CDC25A: variants seen among roughly 807,000 people sequenced by gnomAD.
CDC25A encodes M-phase inducer phosphatase 1.
A neutral mutation model predicts 64.6 loss-of-function variants in CDC25A; 17 were observed. The ratio of observed to expected loss-of-function variants is 0.26; its 90% CI spans 0.18 to 0.39. CDC25A has a LOEUF of 0.39. Ranked by LOEUF, CDC25A falls within the 10% of genes least tolerant of loss-of-function variation. CDC25A has a pLI of 1.00. For missense variants in CDC25A, 473 were observed against 654.8 expected (o/e 0.72, Z 3.03); for synonymous variants, 229 against 238.6 (o/e 0.96, Z 0.37).
At chr3:48,169,617 T>C (rs1303352297) in intron 9 of CDC25A, among the ~76,000 whole-genome samples, 2 of 152,234 alleles carry the variant, frequency 1.3e-5, no homozygotes, top group East Asian at 1.9e-4. Flanking sequence ...GTATAGACTT[T>C]ATTTGGATCC....
rs777997635 is a variant in CDC25A at position 48,174,293 on chromosome 3, C to T, written c.921G>A (p.Lys307=). The change falls in exon 9 of 15, where the codon AAG becomes AAA. Residue 307 remains lysine (K), a synonymous_variant. Transcript: ENST00000302506. ...AACCTAGGAAACTAACCTCATGGGCCTTCTCTGGATTAGTTGACTCTTTGG... is the reference window on the plus strand; with the variant it reads ...AACCTAGGAAACTAACCTCATGGGCTTTCTCTGGATTAGTTGACTCTTTGG... ...ASPKESTNPE[K]AHETLHQSLS... 2 of 1,611,734 alleles carry T rather than the reference C, an allele frequency of 1.2e-6. No individual in the cohort carries two copies. The highest frequency in any genetic ancestry group is 2.2e-5 in the South Asian group (2 of 90,596).
Position 48,180,865 on chromosome 3 carries a change from A to G in CDC25A, c.430-25T>C, listed in dbSNP as rs377100437. The G allele has an allele frequency of 3.8e-5, 61 of 1,612,722 alleles. No homozygotes were observed. The African/African-American group carries it at 7.3e-4, about 19-fold the overall frequency. ...CCTGCAAGACATAGTTGAGACATCT[A>G]CTGTCCATGAAAACCAACTCAGGCC... is the stretch of plus-strand genomic sequence containing the variant. On this transcript the variant is annotated intron_variant, in intron 5 of 14. Transcript: ENST00000302506.
chr3:48,171,467 AT>A (rs1355004950), intron 9 of CDC25A, among the ~76,000 whole-genome samples: 1 of 143,336 alleles, frequency 7.0e-6, no homozygotes, highest in African/African-American at 2.6e-5. Context: ...TGCAACCTCC[AT>A]TTCCCGGGTT....
chr3:48,180,535 TA>T, intron 6 of CDC25A, 185 bp downstream of exon 6: 1 of 546,250 alleles, frequency 1.8e-6, no homozygotes, highest in South Asian at 3.0e-5. Flanking sequence ...CTCCCACTCT[TA>T]CTACCGCCTG....
intron 2 of CDC25A, among the ~76,000 whole-genome samples, chr3:48,186,005 C>T (rs114315432): frequency 6.2e-4 from 94 of 152,308 alleles, no homozygotes; most frequent in African/African-American, 2.2e-3. Context: ...TACAGATAAA[C>T]TCTGCAGTAA....
chr3:48,159,717 C>T (rs1406361187), intron 13 of CDC25A, among the ~76,000 whole-genome samples: 1 of 152,190 alleles, frequency 6.6e-6, no homozygotes. Flanking sequence ...AGCACCTTCA[C>T]CACCACAGTT....
chr3:48,180,623 A>T, intron 6 of CDC25A, 98 bp downstream of exon 6: 2 of 1,254,654 alleles, frequency 1.6e-6, no homozygotes, highest in Non-Finnish European at 2.2e-6. Context: ...AGGTAAAAAC[A>T]GCTAGTGCTA....
At chr3:48,164,573 G>A in intron 12 of CDC25A, 136 bp from the exon 13 acceptor site, 1 of 746,576 alleles carries the variant, frequency 1.3e-6, no homozygotes, top group Non-Finnish European at 2.0e-6. Context: ...TCTTCTAGCT[G>A]AATAGCCCAG....
At position 48,187,799 on chromosome 3, in the gene CDC25A, T is replaced by C; in HGVS notation, c.149A>G (p.Asp50Gly). 1 of 1,548,118 alleles carries C rather than the reference T, an allele frequency of 6.5e-7. No homozygotes were observed. The highest frequency in any genetic ancestry group is 8.7e-7 in the Non-Finnish European group (1 of 1,145,356). ...TTACCTGCCCAGACCCTGCAGCTGGTCCATAGTGACGGTCAGGTTGGTGAC... is the reference window on the plus strand; with the variant it reads ...TTACCTGCCCAGACCCTGCAGCTGGCCCATAGTGACGGTCAGGTTGGTGAC... ...SPVTNLTVTM[D>G]QLQGLGSDYE... Residue 50 changes from aspartate (D) to glycine (G), a missense_variant, in exon 1 of 15, where the codon GAC (aspartate) becomes GGC (glycine). Coordinates refer to ENST00000302506, the MANE Select transcript of CDC25A (RefSeq NM_001789.3).
intron 8 of CDC25A, 128 bp downstream of exon 8, chr3:48,177,243 T>C (rs768329500): frequency 1.8e-4 from 128 of 695,350 alleles, no homozygotes; most frequent in Non-Finnish European, 2.9e-4. Flanking sequence ...GTAGCCAAAG[T>C]GAGGCCTAAA....
intron 14 of CDC25A, 108 bp downstream of exon 14, chr3:48,159,236 C>G: frequency 8.0e-7 from 1 of 1,256,438 alleles, no homozygotes; most frequent in Non-Finnish European, 1.1e-6. Flanking sequence ...AGCAGATACC[C>G]ACCTTGTCCC....
chr3:48,165,987 A>G (rs1347315746), intron 10 of CDC25A, 94 bp from the exon 11 acceptor site: 22 of 891,460 alleles, frequency 2.5e-5, no homozygotes, highest in Non-Finnish European at 3.8e-5. Context: ...GCATCTTTTA[A>G]AAAACAAACA....
chr3:48,170,619 A>G (rs1261204338), intron 9 of CDC25A, among the ~76,000 whole-genome samples: 1 of 152,174 alleles, frequency 6.6e-6, no homozygotes, highest in African/African-American at 2.4e-5. Context: ...GGGAGGCTTC[A>G]TTACATAGAA....
intron 12 of CDC25A, among the ~76,000 whole-genome samples, chr3:48,165,432 T>TA (rs3731546): frequency 0.98 from 149,304 of 152,306 alleles, 73,257 homozygotes; most frequent in East Asian, 1. Context: ...AGAATAACTG[T>TA]GCACAAGGTG....
rs58104019 is a variant in CDC25A at position 48,168,360 on chromosome 3, C to CCACACACACACACACACACACA, written c.931-438_931-417dup. Among the ~76,000 whole-genome samples the CCACACACACACACACACACACA allele has an allele frequency of 2.4e-4, 26 of 106,604 alleles. 3 individuals carry two copies. Among genetic ancestry groups the CCACACACACACACACACACACA allele is most frequent in the East Asian group, 9.4e-4 (3 of 3,182 alleles). 69.9% of individuals were successfully genotyped at this position (106,604 alleles called of 152,430 possible). ...ACCAGATCAAAGAGCAAGACCCTGT[C>CCACACACACACACACACACACA]CACACACACACACACACACACACAC... On this transcript the variant is annotated intron_variant, in intron 9 of 14. Coordinates refer to ENST00000302506, the MANE Select transcript of CDC25A (RefSeq NM_001789.3).
intron 9 of CDC25A, among the ~76,000 whole-genome samples, chr3:48,170,016 A>AC (rs1199722284): frequency 3.3e-5 from 5 of 151,932 alleles, no homozygotes; most frequent in African/African-American, 1.2e-4. Flanking sequence ...CTCAAAAAAA[A>AC]AAACAAACAA....
At chr3:48,180,658 A>C (rs2032631194) in intron 6 of CDC25A, 63 bp downstream of exon 6, 1 of 1,575,730 alleles carries the variant, frequency 6.3e-7, no homozygotes, top group Non-Finnish European at 8.7e-7. Context: ...ATTCTGGATG[A>C]AAGAAGGTGT....
At position 48,177,997 on chromosome 3, in the gene CDC25A, C is replaced by G; in HGVS notation, c.550-9G>C. On this transcript the variant is annotated splice_polypyrimidine_tract_variant and intron_variant, in intron 6 of 14. Coordinates refer to ENST00000302506, the MANE Select transcript of CDC25A (RefSeq NM_001789.3). ...CTTTCATTTGAGGAAAGCTGTAAGA[C>G]AAAATTCATGGATTAATAATGAGAG... The G allele has an allele frequency of 6.2e-7, 1 of 1,602,444 alleles. No individual in the cohort carries two copies. Among genetic ancestry groups the G allele is most frequent in the South Asian group, 1.1e-5 (1 of 89,742 alleles).
intron 4 of CDC25A, 25 bp downstream of exon 4, chr3:48,183,775 C>T (rs757575567): frequency 1.3e-6 from 2 of 1,506,064 alleles, no homozygotes; most frequent in South Asian, 2.3e-5. Context: ...GGTATTAGCT[C>T]AAAATAAACA....
Sources: gnomAD v4.1 joint callset for allele counts (sites outside exome capture counted in the v4.1 genomes callset) on GRCh38, gnomAD v4.1.1 for gene constraint, MANE v1.5 for transcripts, NCBI Gene and HGNC (gene_info 2026-07-23, HGNC 2026-07-21) for gene names.